IL7: variants seen among roughly 807,000 people sequenced by gnomAD.
IL7 encodes the protein interleukin 7.
In IL7, 3 loss-of-function variants were observed where a neutral mutation model predicts 21.6. That is an observed-to-expected ratio of 0.14 (90% CI 0.06 to 0.36). IL7 has a LOEUF of 0.36. Ranked by LOEUF, IL7 falls within the 10% of genes least tolerant of loss-of-function variation. The pLI is 1.00. For synonymous variants in IL7, 62 were observed against 68.1 expected (o/e 0.91, Z 0.44); for missense variants, 175 against 200.2 (o/e 0.87, Z 0.76).
chr8:78,763,806 G>A (rs936280901), intron 2 of IL7, among the ~76,000 whole-genome samples: 5 of 152,130 alleles, frequency 3.3e-5, no homozygotes, highest in Non-Finnish European at 7.4e-5. Flanking sequence ...GGAGCAGGAG[G>A]AATACTTCTC....
intron 2 of IL7, among the ~76,000 whole-genome samples, chr8:78,776,512 T>G (rs1813144053): frequency 6.6e-6 from 1 of 152,134 alleles, no homozygotes; most frequent in Non-Finnish European, 1.5e-5. Flanking sequence ...ATATTGTGTA[T>G]GTTTGAATTT....
At chr8:78,784,212 C>T (rs1018296383) in intron 2 of IL7, among the ~76,000 whole-genome samples, 5 of 152,126 alleles carry the variant, frequency 3.3e-5, no homozygotes, top group African/African-American at 1.2e-4. Flanking sequence ...TATAAAGAAA[C>T]ACCAGAGAGC....
intron 2 of IL7, among the ~76,000 whole-genome samples, chr8:78,770,021 T>C (rs528961092): frequency 1.3e-5 from 2 of 152,242 alleles, no homozygotes; most frequent in Admixed American, 6.5e-5. Flanking sequence ...TTACACCTGA[T>C]ACAAAAAATA....
intron 2 of IL7, among the ~76,000 whole-genome samples, chr8:78,758,950 C>T (rs372126525): frequency 7.2e-5 from 11 of 151,908 alleles, no homozygotes; most frequent in African/African-American, 2.4e-4. Context: ...TTGTCTATGG[C>T]ATTTCCATTT....
At chr8:78,783,173 C>A (rs915749847) in intron 2 of IL7, among the ~76,000 whole-genome samples, 2 of 152,150 alleles carry the variant, frequency 1.3e-5, no homozygotes, top group South Asian at 2.1e-4. Context: ...AGGCAGACCC[C>A]AGCCCAGTGG....
intron 2 of IL7, among the ~76,000 whole-genome samples, chr8:78,749,112 C>T (rs1812080390): frequency 1.3e-5 from 2 of 152,114 alleles, no homozygotes; most frequent in Non-Finnish European, 1.5e-5. Context: ...TCTATTCCTT[C>T]TGTCAAAACA....
chr8:78,762,213 G>T, intron 2 of IL7: 2 of 1,585,102 alleles, frequency 1.3e-6, no homozygotes, highest in South Asian at 2.2e-5. Flanking sequence ...GTCCTATAAG[G>T]ACCAGTTCTA....
At chr8:78,681,532 T>C (rs538789679) in intron 4 of IL7, among the ~76,000 whole-genome samples, 1 of 152,176 alleles carries the variant, frequency 6.6e-6, no homozygotes, top group Non-Finnish European at 1.5e-5. Flanking sequence ...GTCATTCTTT[T>C]TGTCAGAGTT....
In IL7 at chr8:78,736,531, A is replaced by G; in HGVS notation, c.361-4T>C. 6.3e-7 allele frequency: 1 copy of G among 1,584,402 alleles called. No individual in the cohort carries two copies. The highest frequency in any genetic ancestry group is 8.6e-7 in the Non-Finnish European group (1 of 1,157,112). ...CAGCTGGTTTTCTTCCTTTAACCTT[A>G]AAAACAAAGTCACATTTATAATATT... On this transcript the variant is annotated splice_polypyrimidine_tract_variant and splice_region_variant and intron_variant, in intron 4 of 5. Coordinates refer to ENST00000263851, the MANE Select transcript of IL7 (RefSeq NM_000880.4).
intron 2 of IL7, among the ~76,000 whole-genome samples, chr8:78,744,232 C>T (rs1374337057): frequency 6.6e-6 from 1 of 152,032 alleles, no homozygotes; most frequent in Non-Finnish European, 1.5e-5. Context: ...CCTCTGAGAC[C>T]TCTGTCCCAG....
At chr8:78,772,515 A>C (rs1812992408) in intron 2 of IL7, among the ~76,000 whole-genome samples, 1 of 152,210 alleles carries the variant, frequency 6.6e-6, no homozygotes, top group Non-Finnish European at 1.5e-5. Flanking sequence ...TTATGAATAA[A>C]GTAGAACCTG....
intron 2 of IL7, among the ~76,000 whole-genome samples, chr8:78,756,358 G>A (rs551920552): frequency 1.3e-5 from 2 of 151,702 alleles, no homozygotes; most frequent in Admixed American, 6.6e-5. Flanking sequence ...TCTCCTTTTC[G>A]TTTTTTTCTT....
intron 3 of IL7, among the ~76,000 whole-genome samples, chr8:78,710,928 C>A (rs1810931997): frequency 6.6e-6 from 1 of 152,038 alleles, no homozygotes; most frequent in African/African-American, 2.4e-5. Flanking sequence ...AAATGTGTCC[C>A]TCCTCTTAGA....
Position 78,689,521 on chromosome 8 carries a change from G to A in IL7, n.215-3574C>T, listed in dbSNP as rs1585999824. ...TTTTATATATCTATAAAAGTTGTAT[G>A]CTTTTAGCTCTTATATCTGTAAATC... On this transcript the variant is annotated intron_variant and non_coding_transcript_variant, in intron 3 of 4. Coordinates refer to the IL7 transcript ENST00000523959. The A allele has an allele frequency of 1.3e-5, 9 of 683,576 alleles. No individual in the cohort carries two copies. In the East Asian group the frequency reaches 2.7e-4, roughly 21 times the overall value. The allele number at this position is 683,576 out of a possible 1,614,324, so 42.3% of individuals were successfully genotyped here. A position where few individuals can be genotyped will look rare whatever the true frequency, so the allele number is the denominator to read the frequency against.
At chr8:78,795,541 C>T (rs1813825917) in intron 2 of IL7, among the ~76,000 whole-genome samples, 1 of 151,920 alleles carries the variant, frequency 6.6e-6, no homozygotes, top group Non-Finnish European at 1.5e-5. Context: ...ATAAGCTCCT[C>T]TATATTCTCC....
At chr8:78,692,394 C>G (rs1187126607) in intron 3 of IL7, among the ~76,000 whole-genome samples, 3 of 152,248 alleles carry the variant, frequency 2.0e-5, no homozygotes, top group Admixed American at 2.0e-4. Flanking sequence ...AATCTGCCAC[C>G]TGTGGTCATT....
rs772566564 is a variant in IL7, at chr8:78,798,145, G to C, written c.74C>G (p.Ser25Cys). The change falls in exon 2 of 6, where the codon TCT (serine) becomes TGT (cysteine). Residue 25 changes from serine to cysteine, a missense_variant. Ser to Cys is a moderately radical substitution (Grantham distance 112). Coordinates refer to ENST00000263851, the MANE Select transcript of IL7 (RefSeq NM_000880.4). ...ATCTTTACCTTCAATATCACAATCA[G>C]ATGATGCTACTGGCAACAGAACAAG... ...LILVLLPVAS[S>C]DCDIEGKDGK... 6.2e-7 allele frequency: 1 copy of C among 1,611,452 alleles called. No individual in the cohort carries two copies. The highest frequency in any genetic ancestry group is 1.1e-5 in the South Asian group (1 of 90,968).
At chr8:78,790,420 T>TA (rs1356003531) in intron 2 of IL7, among the ~76,000 whole-genome samples, 29 of 152,112 alleles carry the variant, frequency 1.9e-4, no homozygotes, top group Admixed American at 6.6e-5. Flanking sequence ...GAACATATGT[T>TA]AAAAAAACAG....
chr8:78,686,571 C>T, intron 3 of IL7: 1 of 1,535,522 alleles, frequency 6.5e-7, no homozygotes, highest in East Asian at 2.4e-5. Flanking sequence ...AAGAGGGTGG[C>T]AAACTTCCTC....
Sources: gnomAD v4.1 joint callset for allele counts (sites outside exome capture counted in the v4.1 genomes callset) on GRCh38, gnomAD v4.1.1 for gene constraint, MANE v1.5 for transcripts, NCBI Gene and HGNC (gene_info 2026-07-23, HGNC 2026-07-21) for gene names.